SLC2A6: variants seen among roughly 807,000 people sequenced by gnomAD.
SLC2A6 encodes solute carrier family 2, facilitated glucose transporter member 6.
Under a neutral mutation model 47.8 loss-of-function variants are expected in SLC2A6, and 39 were observed. The ratio of observed to expected loss-of-function variants is 0.82; its 90% CI spans 0.63 to 1.07. The LOEUF (loss-of-function observed/expected upper bound fraction) is 1.07. Among genes scored for constraint, SLC2A6 ranks in the 50% least tolerant of loss-of-function variants. The pLI is 0.00. For synonymous variants in SLC2A6, 346 were observed against 324.1 expected (o/e 1.07, Z -0.73); for missense variants, 650 against 707.6 (o/e 0.92, Z 0.92).
At chr9:133,477,315 G>C in intron 2 of SLC2A6, 74 bp from the exon 3 acceptor site, 1 of 1,446,436 alleles carries the variant, frequency 6.9e-7, no homozygotes, top group Non-Finnish European at 9.4e-7. Flanking sequence ...TCCAGGGACA[G>C]CTTCTTCCCT....
rs781825126 is a variant in SLC2A6 at position 133,475,075 on chromosome 9, G to A, written c.813C>T (p.His271=). Residue 271 remains histidine, a synonymous_variant, in exon 6 of 10, where the codon CAC becomes CAT. Coordinates refer to ENST00000371899, the MANE Select transcript of SLC2A6 (RefSeq NM_017585.4). Reference sequence around the variant, plus strand: ...AGGCCACGGTGATGGGCCGGCACACGTGTGGGGCCCGTGCCTCAGCCCACG... The same window carrying A: ...AGGCCACGGTGATGGGCCGGCACACATGTGGGGCCCGTGCCTCAGCCCACG... ...RVSWAEARAP[H]VCRPITVALL... is the part of the protein sequence containing the mutation. 2.2e-5 allele frequency: 35 copies of A among 1,597,858 alleles called. No homozygotes were observed. The highest frequency in any genetic ancestry group is 3.4e-5 in the Admixed American group (2 of 58,172).
chr9:133,476,016 C>A (rs1843932003), intron 4 of SLC2A6, among the ~76,000 whole-genome samples: 2 of 152,252 alleles, frequency 1.3e-5, no homozygotes, highest in South Asian at 4.1e-4. Context: ...CAGGAGAAGC[C>A]CTGGCTGCCC....
intron 4 of SLC2A6, 71 bp from the exon 5 acceptor site, chr9:133,475,682 T>C: frequency 7.5e-7 from 1 of 1,337,458 alleles, no homozygotes; most frequent in Non-Finnish European, 1.0e-6. Flanking sequence ...AGCCTCTGAA[T>C]AACCTCATCT....
At chr9:133,473,018 A>C in intron 9 of SLC2A6, 87 bp downstream of exon 9, 1 of 1,403,710 alleles carries the variant, frequency 7.1e-7, no homozygotes, top group Non-Finnish European at 9.6e-7. Context: ...TCCTGACAGC[A>C]GGCCTTGGCA....
intron 6 of SLC2A6, among the ~76,000 whole-genome samples, chr9:133,474,294 CACT>C (rs1339663883): frequency 6.6e-6 from 1 of 152,274 alleles, no homozygotes; most frequent in Non-Finnish European, 1.5e-5. Flanking sequence ...CTCTGCCCAC[CACT>C]ATGCCCAGCT....
rs1187769796 is a variant in SLC2A6, at chr9:133,471,775, T to C, written c.*246A>G. 1.0e-5 allele frequency: 5 copies of C among 493,020 alleles called. No individual in the cohort carries two copies. Among genetic ancestry groups the C allele is most frequent in the African/African-American group, 5.8e-5 (3 of 51,530 alleles). 30.5% of individuals were successfully genotyped at this position (493,020 alleles called of 1,614,324 possible). On this transcript the variant is annotated 3_prime_UTR_variant, in exon 10 of 10. Coordinates refer to ENST00000371899, the MANE Select transcript of SLC2A6 (RefSeq NM_017585.4). ...CCGTGTCCCTGGATGCAGGGTTGTA[T>C]GCACTCCTGCGGCCCATGGCTACGT...
At chr9:133,472,411 C>T (rs925349700) in intron 9 of SLC2A6, among the ~76,000 whole-genome samples, 7 of 152,082 alleles carry the variant, frequency 4.6e-5, no homozygotes, top group Admixed American at 1.3e-4. Flanking sequence ...AGGGGCTGGG[C>T]CCTCTGGCGT....
At chr9:133,474,788 G>A (rs1380516155) in intron 6 of SLC2A6, among the ~76,000 whole-genome samples, 173 bp downstream of exon 6, 1 of 152,234 alleles carries the variant, frequency 6.6e-6, no homozygotes, top group Non-Finnish European at 1.5e-5. Flanking sequence ...CACTGGAACT[G>A]TCTCCACAAG....
rs761491747 is a variant in SLC2A6 at position 133,473,800 on chromosome 9, C to T, written c.1036+180G>A. 20 of 744,444 alleles carry T rather than the reference C, an allele frequency of 2.7e-5. 1 individual carries two copies. The highest frequency in any genetic ancestry group is 4.0e-5 in the South Asian group (2 of 49,808). 46.1% of individuals were successfully genotyped at this position (744,444 alleles called of 1,614,324 possible). A position where few individuals can be genotyped will look rare whatever the true frequency, so the allele number is the denominator to read the frequency against. ...GAGTGTCACAGCCAGTGTGTCCACTCGGAGCCCCAGCGGACCTTTCTGGAC... is the reference window on the plus strand; with the variant it reads ...GAGTGTCACAGCCAGTGTGTCCACTTGGAGCCCCAGCGGACCTTTCTGGAC... On this transcript the variant is annotated intron_variant, in intron 7 of 9. Coordinates refer to ENST00000371899, the MANE Select transcript of SLC2A6 (RefSeq NM_017585.4).
intron 9 of SLC2A6, among the ~76,000 whole-genome samples, chr9:133,472,743 G>T (rs891591386): frequency 6.6e-6 from 1 of 152,148 alleles, no homozygotes; most frequent in Non-Finnish European, 1.5e-5. Flanking sequence ...TGGGGTTGAG[G>T]GGGGAGTGTG....
At chr9:133,476,541 G>T in intron 3 of SLC2A6, 1 of 597,886 alleles carries the variant, frequency 1.7e-6, no homozygotes, top group Admixed American at 2.8e-5. Context: ...ACTGTGACGT[G>T]GGTGGAAGTA....
intron 4 of SLC2A6, among the ~76,000 whole-genome samples, chr9:133,475,880 ACC>A: frequency 6.6e-6 from 1 of 152,232 alleles, no homozygotes; most frequent in African/African-American, 2.4e-5. Context: ...TCCACCCAAG[ACC>A]TCCACGCCCC....
In SLC2A6 at chr9:133,476,280, G is replaced by A. The variant is rs782512713; in HGVS notation, c.519C>T (p.Pro173=). 4 of 1,612,946 alleles carry A rather than the reference G, an allele frequency of 2.5e-6. No homozygotes were observed. Among genetic ancestry groups the A allele is most frequent in the Admixed American group, 3.3e-5 (2 of 60,002 alleles). ...PGVRGALGAT[P]QLMAVFGSLS... is the part of the protein sequence containing the mutation. ...GGGATCCGAACACTGCCATGAGCTG[G>A]GGTGTGGCCCCCAGAGCCCCACGAA... is the stretch of plus-strand genomic sequence containing the variant. Residue 173 remains proline (P), a synonymous_variant, in exon 4 of 10, where the codon CCC becomes CCT. Coordinates refer to ENST00000371899, the MANE Select transcript of SLC2A6 (RefSeq NM_017585.4).
Position 133,472,048 on chromosome 9 carries a change from G to A in SLC2A6, c.1497C>T (p.Arg499=), listed in dbSNP as rs367812993. Residue 499 remains arginine, a synonymous_variant, in exon 10 of 10, where the codon CGC becomes CGT. Transcript: ENST00000371899. ...RSLEQIESFF[R]TGRRSFLR ...AGCGCAAGAAGGACCTTCTCCCCGT[G>A]CGGAAGAAGGACTCGATCTGCTCCA... is the stretch of plus-strand genomic sequence containing the variant. 14 of 1,613,136 alleles carry A rather than the reference G, an allele frequency of 8.7e-6. No individual in the cohort carries two copies. Among genetic ancestry groups the A allele is most frequent in the Non-Finnish European group, 1.1e-5 (13 of 1,179,782 alleles).
chr9:133,476,925 A>G (rs989082019), intron 3 of SLC2A6, 110 bp downstream of exon 3: 1 of 1,263,654 alleles, frequency 7.9e-7, no homozygotes, highest in Non-Finnish European at 1.1e-6. Context: ...AGGGAAGGCA[A>G]ACAATTCTCA....
intron 7 of SLC2A6, 152 bp downstream of exon 7, chr9:133,473,828 C>T: frequency 1.3e-6 from 1 of 779,048 alleles, no homozygotes; most frequent in African/African-American, 1.8e-5. Context: ...TTCTGGACCA[C>T]TGGCCTGGGC....
chr9:133,472,257 G>T, intron 9 of SLC2A6, 81 bp from the exon 10 acceptor site: 2 of 1,528,812 alleles, frequency 1.3e-6, no homozygotes, highest in Admixed American at 3.6e-5. Flanking sequence ...GGCGCTGCTG[G>T]TAGTGACCAG....
chr9:133,475,576 C>G lies in SLC2A6; in HGVS notation c.598G>C (p.Gly200Arg), dbSNP rs782040012. 2 of 1,605,994 alleles carry G rather than the reference C, an allele frequency of 1.2e-6. No homozygotes were observed. The highest frequency in any genetic ancestry group is 1.7e-6 in the Non-Finnish European group (2 of 1,178,010). ...ATCATGATGAGCACAGGCGCCTCCC[C>G]GGCCACAGCCAGCCAGCGCCACGGC... ...LLPWRWLAVA[G>R]EAPVLIMILL... Residue 200 changes from glycine to arginine, a missense_variant, in exon 5 of 10, where the codon GGG becomes CGG. Physicochemically the swap from Gly to Arg is moderately radical, Grantham distance 125 (BLOSUM62 -2). Coordinates refer to ENST00000371899, the MANE Select transcript of SLC2A6 (RefSeq NM_017585.4).
Position 133,477,126 on chromosome 9 carries a change from G to C in SLC2A6, c.371C>G (p.Ala124Gly), listed in dbSNP as rs1278168251. Reference protein sequence around the residue: ...FSAVPSAAGYALMAGAHGLWM... With the variant: ...FSAVPSAAGYGLMAGAHGLWM... ...GAGGCCGTGCGCACCCGCCATGAGCGCATAGCCGGCCGCCGACGGCACAGC... is the reference window on the plus strand; with the variant it reads ...GAGGCCGTGCGCACCCGCCATGAGCCCATAGCCGGCCGCCGACGGCACAGC... The change falls in exon 3 of 10, where the codon GCG becomes GGG. Residue 124 changes from alanine to glycine, a missense_variant. Ala to Gly is a moderately conservative substitution (Grantham distance 60). Transcript: ENST00000371899. The C allele has an allele frequency of 2.2e-5, 34 of 1,549,140 alleles. No individual in the cohort carries two copies. Among genetic ancestry groups the C allele is most frequent in the Non-Finnish European group, 2.6e-5 (30 of 1,146,454 alleles).
Sources: allele counts gnomAD v4.1 joint callset (sites outside exome capture counted in the v4.1 genomes callset), GRCh38; gene constraint gnomAD v4.1.1; transcripts MANE v1.5; gene names NCBI Gene and HGNC (gene_info 2026-07-23, HGNC 2026-07-21).